Variants in ABHD2 observed in about 807,000 individuals in gnomAD.
ABHD2 encodes monoacylglycerol lipase ABHD2.
A neutral mutation model predicts 48.1 loss-of-function variants in ABHD2; 20 were observed. That is an observed-to-expected ratio of 0.42 (90% confidence interval 0.29 to 0.60). The LOEUF (loss-of-function observed/expected upper bound fraction) is 0.60, where lower values mean the gene tolerates loss of function less well. ABHD2 is among the 20% of genes least tolerant of loss of function. The probability of loss-of-function intolerance (pLI) is 0.24; values close to 1 mark genes in which losing one functional copy is unlikely to be tolerated. For missense variants in ABHD2, 405 were observed against 550.9 expected, an observed-to-expected ratio of 0.74 and a Z score of 2.65; for synonymous variants, 209 against 214.2, an observed-to-expected ratio of 0.98 and a Z score of 0.21.
the ABHD2 span, among the ~76,000 whole-genome samples, chr15:89,082,250 A>C: frequency 6.6e-6 from 1 of 152,216 alleles, no homozygotes; most frequent in East Asian, 1.9e-4. This position sits in a 1 kb window ranked among gnomAD's most constrained non-coding sequence, Gnocchi z 4.4. Context: ...TAAAGCAGAG[A>C]GTACAGAGAT....
rs955967708 is a variant in ABHD2, at chr15:89,200,955, G to A, written c.*5532G>A. The A allele has an allele frequency of 4.2e-5, 20 of 475,098 alleles. No individual in the cohort carries two copies. The highest frequency in any genetic ancestry group is 1.8e-4 in the African/African-American group (9 of 49,260). The allele number at this position is 475,098 out of a possible 1,614,324, so 29.4% of individuals were successfully genotyped here. On this transcript the variant is annotated 3_prime_UTR_variant, in exon 11 of 11. Coordinates refer to ENST00000352732, the MANE Select transcript of ABHD2 (RefSeq NM_152924.5). ...AAATTAGCTGGGTGTGGTGGCGGGC[G>A]CCTGTAATCCCAGCTACTCGGGAGG... is the stretch of plus-strand genomic sequence containing the variant.
chr15:89,152,523 A>G (rs1473202678), intron 4 of ABHD2, among the ~76,000 whole-genome samples: 1 of 152,224 alleles, frequency 6.6e-6, no homozygotes, highest in Non-Finnish European at 1.5e-5. Flanking sequence ...CTTCGTGTAT[A>G]CTGTTATCTC....
intron 3 of ABHD2, among the ~76,000 whole-genome samples, chr15:89,150,252 A>C (rs1386297434): frequency 1.3e-5 from 2 of 152,174 alleles, no homozygotes; most frequent in African/African-American, 4.8e-5. Flanking sequence ...CAAAAGCTTA[A>C]TTTCTTGGAT....
the ABHD2 span, among the ~76,000 whole-genome samples, chr15:89,072,881 A>C: frequency 6.6e-6 from 1 of 152,196 alleles, no homozygotes; most frequent in African/African-American, 2.4e-5. Context: ...TCAGATAAAC[A>C]ATACATAATT....
chr15:89,154,762 A>C (rs2050644358), intron 4 of ABHD2, among the ~76,000 whole-genome samples: 1 of 152,264 alleles, frequency 6.6e-6, no homozygotes, highest in African/African-American at 2.4e-5. Context: ...ATATGCAATA[A>C]TTTATCCAAC....
chr15:89,201,311 G>A lies in ABHD2; in HGVS notation c.*5888G>A, dbSNP rs2051463226. 3 of 1,081,506 alleles carry A rather than the reference G, an allele frequency of 2.8e-6. No homozygotes were observed. The highest frequency in any genetic ancestry group is 1.3e-5 in the South Asian group (1 of 75,546). The allele number at this position is 1,081,506 out of a possible 1,614,324, so 67.0% of individuals were successfully genotyped here. A position where few individuals can be genotyped will look rare whatever the true frequency, so the allele number is the denominator to read the frequency against. ...CTCTTCTGTTAGTTTCCTTGTTTCA[G>A]TATCATGAAGTGAAGCACTGTGTGG... On this transcript the variant is annotated 3_prime_UTR_variant, in exon 11 of 11. Coordinates refer to ENST00000352732, the MANE Select transcript of ABHD2 (RefSeq NM_152924.5).
At position 89,117,124 on chromosome 15, in the gene ABHD2, C is replaced by G. The variant is rs1202041032; in HGVS notation, c.194+603C>G. 4.6e-5 allele frequency among the ~76,000 whole-genome samples: 7 copies of G among 152,318 alleles called. No individual in the cohort carries two copies. The East Asian group carries it at 9.7e-4, about 21-fold the overall frequency. ...CACTGCAACCTCCACCTCCCGGGTT[C>G]AAGCGATTCTGGTGTCTCAGCCTCT... is the stretch of plus-strand genomic sequence containing the variant. On this transcript the variant is annotated intron_variant, in intron 3 of 10. Transcript: ENST00000352732.
intron 3 of ABHD2, among the ~76,000 whole-genome samples, chr15:89,124,917 C>T (rs937262926): frequency 3.3e-5 from 5 of 152,046 alleles, no homozygotes; most frequent in Non-Finnish European, 7.4e-5. Context: ...GGTGAAACCC[C>T]GTCTCTACTA....
rs1009312352 is a variant in ABHD2 at position 89,185,812 on chromosome 15, T to C, written c.815+296T>C. Reference sequence around the variant, plus strand: ...GGCGAAACCCCATCTCTACCAAAAATACAAAAATTAGCTGGGCATGATGGT... The same window carrying C: ...GGCGAAACCCCATCTCTACCAAAAACACAAAAATTAGCTGGGCATGATGGT... On this transcript the variant is annotated intron_variant, in intron 7 of 10. Transcript: ENST00000352732. The surrounding 1 kb of genome is among the most constrained non-coding windows in gnomAD (Gnocchi z 5.9). 5.9e-5 allele frequency among the ~76,000 whole-genome samples: 9 copies of C among 152,000 alleles called. No homozygotes were observed. The highest frequency in any genetic ancestry group is 2.2e-4 in the African/African-American group (9 of 41,358).
At chr15:89,089,667 C>G (rs1004021131) in intron 1 of ABHD2, among the ~76,000 whole-genome samples, 1 of 152,160 alleles carries the variant, frequency 6.6e-6, no homozygotes, top group Admixed American at 6.5e-5. Flanking sequence ...AAGATCTGTG[C>G]CCAGAGCTTT....
chr15:89,116,827 T>G lies in ABHD2; in HGVS notation c.194+306T>G, dbSNP rs2150815792. ...ATGGAAAAGTTGGACAATATTCTAG[T>G]CCTTTAACGAATGCTTTGTTGCCAG... On this transcript the variant is annotated intron_variant, in intron 3 of 10. Coordinates refer to ENST00000352732, the MANE Select transcript of ABHD2 (RefSeq NM_152924.5). This position sits in a 1 kb window ranked among gnomAD's most constrained non-coding sequence, Gnocchi z 4.6. Among the ~76,000 whole-genome samples the G allele has an allele frequency of 6.6e-6, 1 of 152,336 alleles. No homozygotes were observed. Among genetic ancestry groups the G allele is most frequent in the East Asian group, 1.9e-4 (1 of 5,188 alleles).
chr15:89,078,199 A>C, the ABHD2 span, among the ~76,000 whole-genome samples: 1 of 152,296 alleles, frequency 6.6e-6, no homozygotes, highest in South Asian at 2.1e-4. Context: ...TCAGGCCCTT[A>C]ACAACTTACA....
chr15:89,098,569 C>G (rs1238609325), intron 1 of ABHD2, among the ~76,000 whole-genome samples: 1 of 152,194 alleles, frequency 6.6e-6, no homozygotes, highest in Non-Finnish European at 1.5e-5. Flanking sequence ...ATTAGCTTCT[C>G]AGGTTCCAAA....
intron 9 of ABHD2, 73 bp from the exon 10 acceptor site, chr15:89,193,162 G>A (rs2051335558): frequency 6.9e-6 from 10 of 1,452,344 alleles, no homozygotes; most frequent in Non-Finnish European, 9.7e-6. Flanking sequence ...CCAGCAGTGA[G>A]TTTGAGCCTT....
chr15:89,124,065 C>T (rs1418843231), intron 3 of ABHD2, among the ~76,000 whole-genome samples: 5 of 152,172 alleles, frequency 3.3e-5, no homozygotes, highest in African/African-American at 1.2e-4. Context: ...TGTGTACGAA[C>T]ACTATATTTG....
At chr15:89,158,107 C>T (rs2050703809) in intron 5 of ABHD2, among the ~76,000 whole-genome samples, 1 of 152,118 alleles carries the variant, frequency 6.6e-6, no homozygotes, top group African/African-American at 2.4e-5. Context: ...ACAGTGTGAA[C>T]ACTTACTGTG....
rs1567117179 is a variant in ABHD2, at chr15:89,197,154, C to T, written c.*1731C>T. Reference sequence around the variant, plus strand: ...TGTGACGGGACCCGTGGGCATGGGTCCAGGTCTGTAACCTGAAGAAGTTGT... The same window carrying T: ...TGTGACGGGACCCGTGGGCATGGGTTCAGGTCTGTAACCTGAAGAAGTTGT... On this transcript the variant is annotated 3_prime_UTR_variant, in exon 11 of 11. Coordinates refer to ENST00000352732, the MANE Select transcript of ABHD2 (RefSeq NM_152924.5). The surrounding 1 kb of genome is among the most constrained non-coding windows in gnomAD (Gnocchi z 4.4). 1 of 152,550 alleles carries T rather than the reference C, an allele frequency of 6.6e-6. No individual in the cohort carries two copies. The highest frequency in any genetic ancestry group is 6.5e-5 in the Admixed American group (1 of 15,268). 9.4% of individuals were successfully genotyped at this position (152,550 alleles called of 1,614,324 possible).
chr15:89,081,068 C>T, the ABHD2 span, among the ~76,000 whole-genome samples: 1 of 150,886 alleles, frequency 6.6e-6, no homozygotes, highest in Non-Finnish European at 1.5e-5. Context: ...GGCACAATCA[C>T]AGTTCACTGC....
rs2051401585 is a variant in ABHD2 at position 89,196,281 on chromosome 15, T to C, written c.*858T>C. The C allele has an allele frequency of 6.6e-6, 1 of 152,242 alleles. No individual in the cohort carries two copies. Among genetic ancestry groups the C allele is most frequent in the Admixed American group, 6.5e-5 (1 of 15,286 alleles). 9.4% of individuals were successfully genotyped at this position (152,242 alleles called of 1,614,324 possible). The stretch of plus-strand genomic sequence containing the variant: ...GTCTCCAGAGCAGCAAGGCCGGCTA[T>C]GGAGCTGCCGTCGTGTGACCACAGT... On this transcript the variant is annotated 3_prime_UTR_variant, in exon 11 of 11. Transcript: ENST00000352732.
Sources: allele counts gnomAD v4.1 joint callset (sites outside exome capture counted in the v4.1 genomes callset), GRCh38; gene constraint gnomAD v4.1.1; non-coding constraint Gnocchi (gnomAD v3.1); transcripts MANE v1.5; gene names NCBI Gene and HGNC (gene_info 2026-07-23, HGNC 2026-07-21).